LYSMD1: variants seen among roughly 807,000 people sequenced by gnomAD.
LYSMD1 encodes lysM and putative peptidoglycan-binding domain-containing protein 1.
A neutral mutation model predicts 19.3 loss-of-function variants in LYSMD1; 9 were observed. The ratio of observed to expected loss-of-function variants is 0.47; its 90% CI spans 0.28 to 0.81. The LOEUF is 0.81. Ranked by LOEUF, LYSMD1 falls within the 40% of genes least tolerant of loss-of-function variation. The pLI is 0.11. For synonymous variants in LYSMD1, 111 were observed against 111.7 expected (o/e 0.99, Z 0.04); for missense variants, 262 against 279.8 (o/e 0.94, Z 0.45).
the LYSMD1 span, among the ~76,000 whole-genome samples, chr1:151,148,941 T>C: frequency 1.3e-5 from 2 of 152,182 alleles, no homozygotes; most frequent in Non-Finnish European, 2.9e-5. Flanking sequence ...AGGGTGCAAC[T>C]TGTATTTTTT....
chr1:151,163,508 T>C (rs1683530329), intron 1 of LYSMD1, among the ~76,000 whole-genome samples: 1 of 151,960 alleles, frequency 6.6e-6, no homozygotes, highest in South Asian at 2.1e-4. Context: ...ACAGATATAG[T>C]GTATTCGTAT....
intron 1 of LYSMD1, among the ~76,000 whole-genome samples, chr1:151,163,416 G>T (rs587669762): frequency 6.6e-6 from 1 of 151,594 alleles, no homozygotes; most frequent in African/African-American, 2.4e-5. Flanking sequence ...CACATAGCAG[G>T]GGCTCATTAA....
At chr1:151,152,021 G>A in the LYSMD1 span, among the ~76,000 whole-genome samples, 3 of 150,878 alleles carry the variant, frequency 2.0e-5, no homozygotes, top group African/African-American at 7.3e-5. Context: ...AGTAGAGGAA[G>A]AAATAAATGC....
rs186647719 is a variant in LYSMD1, at chr1:151,164,822, T to C, written c.180+257A>G. ...ACGATAAATGTATACTTGATACAGA[T>C]GTGAGGGTGAAATGAGCTAACGTAT... On this transcript the variant is annotated intron_variant, in intron 1 of 2. Coordinates refer to ENST00000368908, the MANE Select transcript of LYSMD1 (RefSeq NM_212551.5). Among the ~76,000 whole-genome samples the C allele has an allele frequency of 4.6e-5, 7 of 152,286 alleles. No individual in the cohort carries two copies. The East Asian group carries it at 1.3e-3, about 29-fold the overall frequency.
chr1:151,156,608 T>TAGGC (rs1683229964), downstream of LYSMD1: 1 of 152,198 alleles, frequency 6.6e-6, no homozygotes, highest in Non-Finnish European at 1.5e-5. Flanking sequence ...AGAGAGTAGG[T>TAGGC]AGGCGGGGCT....
chr1:151,148,946 T>A, the LYSMD1 span, among the ~76,000 whole-genome samples: 1 of 152,166 alleles, frequency 6.6e-6, no homozygotes, highest in Non-Finnish European at 1.5e-5. Context: ...GCAACTTGTA[T>A]TTTTTTATTT....
Position 151,160,860 on chromosome 1 carries a change from C to T in LYSMD1, c.*22G>A, listed in dbSNP as rs758748216. 1.9e-6 allele frequency: 3 copies of T among 1,600,398 alleles called. No homozygotes were observed. Among genetic ancestry groups the T allele is most frequent in the Admixed American group, 3.3e-5 (2 of 59,728 alleles). Reference sequence around the variant, plus strand: ...AAGTTTCTCTTTCAACATCTTGCTTCTCTCAGTCAGTTCTGGGGACATCAG... The same window carrying T: ...AAGTTTCTCTTTCAACATCTTGCTTTTCTCAGTCAGTTCTGGGGACATCAG... On this transcript the variant is annotated 3_prime_UTR_variant, in exon 3 of 3. Coordinates refer to ENST00000368908, the MANE Select transcript of LYSMD1 (RefSeq NM_212551.5).
At chr1:151,152,852 A>G in the LYSMD1 span, among the ~76,000 whole-genome samples, 1 of 152,200 alleles carries the variant, frequency 6.6e-6, no homozygotes, top group Non-Finnish European at 1.5e-5. Flanking sequence ...CCATGGTAAA[A>G]CCTCACCTAA....
chr1:151,154,619 T>C, the LYSMD1 span, among the ~76,000 whole-genome samples: 4 of 152,132 alleles, frequency 2.6e-5, no homozygotes, highest in African/African-American at 9.7e-5. Flanking sequence ...CATCTTCTTA[T>C]ATTTTTATTC....
intron 1 of LYSMD1, 61 bp downstream of exon 1, chr1:151,165,018 A>T: frequency 2.0e-6 from 3 of 1,479,076 alleles, no homozygotes; most frequent in Non-Finnish European, 2.8e-6. Context: ...GGGCCACTAC[A>T]TTCTTCTCAG....
chr1:151,155,902 A>C (rs1480815748), downstream of LYSMD1, among the ~76,000 whole-genome samples: 2 of 151,978 alleles, frequency 1.3e-5, no homozygotes, highest in Non-Finnish European at 2.9e-5. Context: ...CAGGAGTTCA[A>C]GACGATCCTG....
chr1:151,164,313 TAA>T (rs1683575293), intron 1 of LYSMD1, among the ~76,000 whole-genome samples: 2 of 152,330 alleles, frequency 1.3e-5, no homozygotes, highest in South Asian at 4.1e-4. Context: ...CCATATAGTT[TAA>T]GTTTCTATCT....
At chr1:151,156,301 C>T (rs1411155040), downstream of LYSMD1, among the ~76,000 whole-genome samples, 1 of 152,018 alleles carries the variant, frequency 6.6e-6, no homozygotes, top group Admixed American at 6.6e-5. Context: ...TAAATACTTG[C>T]CCCACAGCAC....
rs1356617550 is a variant in LYSMD1 at position 151,165,759 on chromosome 1, G to A, written c.-501C>T. 1.2e-5 allele frequency: 19 copies of A among 1,551,720 alleles called. No individual in the cohort carries two copies. The Middle Eastern group carries it at 5.0e-4, about 41-fold the overall frequency. ...ATTTGTAGTACACCTTCCACTCAGA[G>A]ATCCTCAAAGGTCCGCTCCGCATAA... On this transcript the variant is annotated 5_prime_UTR_variant, in exon 1 of 3. Coordinates refer to ENST00000368908, the MANE Select transcript of LYSMD1 (RefSeq NM_212551.5).
intron 2 of LYSMD1, 93 bp downstream of exon 2, chr1:151,161,643 C>T: frequency 1.3e-6 from 2 of 1,497,344 alleles, no homozygotes; most frequent in South Asian, 2.5e-5. Context: ...CCTCTGTTGG[C>T]ACTGTCCTTA....
intron 1 of LYSMD1, among the ~76,000 whole-genome samples, chr1:151,162,680 C>T (rs1275864434): frequency 6.6e-6 from 1 of 152,204 alleles, no homozygotes; most frequent in African/African-American, 2.4e-5. Flanking sequence ...GCATCACCAT[C>T]TATCTGCCTG....
chr1:151,158,483 G>C (rs1361764725), downstream of LYSMD1, among the ~76,000 whole-genome samples: 2 of 152,024 alleles, frequency 1.3e-5, no homozygotes, highest in Non-Finnish European at 2.9e-5. Flanking sequence ...CTGTTTTGGA[G>C]TCAAGATTTG....
the LYSMD1 span, among the ~76,000 whole-genome samples, chr1:151,150,457 A>G: frequency 6.6e-6 from 1 of 152,066 alleles, no homozygotes; most frequent in Non-Finnish European, 1.5e-5. Context: ...CTCATTCTCA[A>G]TCATTTTAGT....
In LYSMD1 at chr1:151,162,061, C is replaced by A; in HGVS notation, c.220G>T (p.Asp74Tyr). 1.2e-6 allele frequency: 2 copies of A among 1,610,148 alleles called. No individual in the cohort carries two copies. The highest frequency in any genetic ancestry group is 1.1e-5 in the South Asian group (1 of 90,368). The change falls in exon 2 of 3, where the codon GAC (aspartate) becomes TAC (tyrosine). Residue 74 changes from aspartate (D) to tyrosine (Y), a missense_variant. By Grantham distance (160) the Asp-to-Tyr change is radical. Coordinates refer to ENST00000368908, the MANE Select transcript of LYSMD1 (RefSeq NM_212551.5). ...IKRANRLYTN[D>Y]SIFLKKTLYI... ...AGGGTTTTCTTCAGGAAGATGGAGT[C>A]ATTAGTATAAAGGCGGTTTGCACGT...
Sources: allele counts gnomAD v4.1 joint callset (sites outside exome capture counted in the v4.1 genomes callset), GRCh38; gene constraint gnomAD v4.1.1; transcripts MANE v1.5; gene names NCBI Gene and HGNC (gene_info 2026-07-23, HGNC 2026-07-21).